Variants in ACKR2 observed in about 807,000 individuals in gnomAD.
The protein encoded by ACKR2 is atypical chemokine receptor 2.
For missense variants in ACKR2, 457 were observed against 477.3 expected (o/e 0.96, Z 0.40); for synonymous variants, 207 against 192.2 (o/e 1.08, Z -0.64).
In ACKR2 at chr3:42,854,855, CTT is replaced by C. The variant is rs1207262721; in HGVS notation, c.-37-9594_-37-9593del. Among the ~76,000 whole-genome samples, 957 of 133,790 alleles carry C rather than the reference CTT, an allele frequency of 7.2e-3. 4 individuals carry two copies. Among genetic ancestry groups the C allele is most frequent in the Admixed American group, 0.013 (177 of 13,148 alleles). The allele number at this position is 133,790 out of a possible 152,430, so 87.8% of individuals were successfully genotyped here. A position where few individuals can be genotyped will look rare whatever the true frequency, so the allele number is the denominator to read the frequency against. On this transcript the variant is annotated intron_variant, in intron 2 of 2. Coordinates refer to ENST00000422265, the MANE Select transcript of ACKR2 (RefSeq NM_001296.5). ...CCAGCAAAGACTGAATCATACCTTT[CTT>C]TTTTTTTTTTTTTTTTGAGATGGAG...
chr3:42,823,744 ATGAATTAATAAAATCTAT>A (rs1700833896), intron 2 of ACKR2, among the ~76,000 whole-genome samples: 1 of 152,250 alleles, frequency 6.6e-6, no homozygotes, highest in Non-Finnish European at 1.5e-5. Flanking sequence ...TTTTTGCGGA[ATGAATTAATAAAATCTAT>A]TGACTTTTGT....
chr3:42,842,734 A>G (rs1242259368), intron 2 of ACKR2, among the ~76,000 whole-genome samples: 2 of 152,046 alleles, frequency 1.3e-5, no homozygotes, highest in Non-Finnish European at 1.5e-5. Context: ...TGTAATCCCA[A>G]CACTTTTGGA....
In ACKR2 at chr3:42,863,554, T is replaced by G. The variant is rs1311676526; in HGVS notation, c.-37-912T>G. Among the ~76,000 whole-genome samples the G allele has an allele frequency of 2.0e-5, 3 of 152,220 alleles. No homozygotes were observed. In the South Asian group the frequency reaches 6.2e-4, roughly 32 times the overall value. ...TTAATCATTCTACTATAAAGACACA[T>G]GCACACATATGCTTATTGCAGCACT... On this transcript the variant is annotated intron_variant, in intron 2 of 2. Transcript: ENST00000422265.
chr3:42,865,425 C>T lies in ACKR2; in HGVS notation c.923C>T (p.Ser308Phe), dbSNP rs868771798. Reference protein sequence around the residue: ...ESIAFLHCCFSPILYAFSSHR... With the variant: ...ESIAFLHCCFFPILYAFSSHR... ...ATCGCCTTCCTTCACTGCTGCTTTT[C>T]CCCCATCCTGTATGCCTTCTCCAGT... is the stretch of plus-strand genomic sequence containing the variant. Residue 308 changes from serine to phenylalanine, a missense_variant, in exon 3 of 3, where the codon TCC becomes TTC. Transcript: ENST00000422265. 2 of 1,614,158 alleles carry T rather than the reference C, an allele frequency of 1.2e-6. No individual in the cohort carries two copies. The highest frequency in any genetic ancestry group is 1.1e-5 in the South Asian group (1 of 91,080).
chr3:42,835,025 G>T (rs1348188513), intron 2 of ACKR2, among the ~76,000 whole-genome samples: 2 of 151,994 alleles, frequency 1.3e-5, no homozygotes, highest in Non-Finnish European at 2.9e-5. Flanking sequence ...AGCTGGAACT[G>T]CAGGCACGCA....
rs1174265856 is a variant in ACKR2, at chr3:42,852,370, C to T, written c.-37-12096C>T. 2 of 152,212 alleles carry T rather than the reference C, an allele frequency of 1.3e-5. No individual in the cohort carries two copies. The highest frequency in any genetic ancestry group is 1.3e-4 in the Admixed American group (2 of 15,280). 9.4% of individuals were successfully genotyped at this position (152,212 alleles called of 1,614,324 possible). A position where few individuals can be genotyped will look rare whatever the true frequency, so the allele number is the denominator to read the frequency against. On this transcript the variant is annotated intron_variant, in intron 2 of 2. Coordinates refer to ENST00000422265, the MANE Select transcript of ACKR2 (RefSeq NM_001296.5). The surrounding 1 kb of genome is among the most constrained non-coding windows in gnomAD (Gnocchi z 4.3). ...AACATTCTGGGAAAGACATGAAAGTCTCACCTTCTGCAGCAGCAGCTCCTT... is the reference window on the plus strand; with the variant it reads ...AACATTCTGGGAAAGACATGAAAGTTTCACCTTCTGCAGCAGCAGCTCCTT...
At chr3:42,864,103 A>G (rs1239720812) in intron 2 of ACKR2, among the ~76,000 whole-genome samples, 1 of 152,246 alleles carries the variant, frequency 6.6e-6, no homozygotes, top group Non-Finnish European at 1.5e-5. Context: ...CACATTAAAT[A>G]GATGAATTGA....
chr3:42,845,564 G>A (rs1372227133), intron 2 of ACKR2, among the ~76,000 whole-genome samples: 1 of 152,050 alleles, frequency 6.6e-6, no homozygotes, highest in Admixed American at 6.5e-5. Flanking sequence ...GGGTTTCACT[G>A]TGTTAGCCAA....
chr3:42,863,543 A>C (rs1208182847), intron 2 of ACKR2, among the ~76,000 whole-genome samples: 1 of 152,254 alleles, frequency 6.6e-6, no homozygotes, highest in Admixed American at 6.5e-5. Context: ...TCATTCTACT[A>C]TAAAGACACA....
intron 2 of ACKR2, among the ~76,000 whole-genome samples, chr3:42,849,565 G>A (rs911837380): frequency 1.3e-5 from 2 of 152,160 alleles, no homozygotes; most frequent in Non-Finnish European, 2.9e-5. Flanking sequence ...AACAATTTGA[G>A]AATCAAACTA....
chr3:42,859,625 C>T (rs2088359752), intron 2 of ACKR2, among the ~76,000 whole-genome samples: 1 of 152,128 alleles, frequency 6.6e-6, no homozygotes. Flanking sequence ...TTGTGATCTG[C>T]TCACCTCGGC....
intron 2 of ACKR2, among the ~76,000 whole-genome samples, chr3:42,840,882 G>T (rs1459887875): frequency 6.6e-6 from 1 of 152,124 alleles, no homozygotes; most frequent in Non-Finnish European, 1.5e-5. Flanking sequence ...TAGAGACAGG[G>T]TTTCATCATG....
In ACKR2 at chr3:42,865,427, C is replaced by T. The variant is rs199910446; in HGVS notation, c.925C>T (p.Pro309Ser). 6.2e-7 allele frequency: 1 copy of T among 1,614,174 alleles called. No homozygotes were observed. Among genetic ancestry groups the T allele is most frequent in the Non-Finnish European group, 8.5e-7 (1 of 1,180,032 alleles). ...CGCCTTCCTTCACTGCTGCTTTTCCCCCATCCTGTATGCCTTCTCCAGTCA... is the reference window on the plus strand; with the variant it reads ...CGCCTTCCTTCACTGCTGCTTTTCCTCCATCCTGTATGCCTTCTCCAGTCA... Reference protein sequence around the residue: ...SIAFLHCCFSPILYAFSSHRF... With the variant: ...SIAFLHCCFSSILYAFSSHRF... Residue 309 changes from proline (P) to serine (S), a missense_variant, in exon 3 of 3, where the codon CCC becomes TCC. Pro to Ser is a moderately conservative substitution (Grantham distance 74). Coordinates refer to ENST00000422265, the MANE Select transcript of ACKR2 (RefSeq NM_001296.5).
rs1325345851 is a variant in ACKR2 at position 42,852,951 on chromosome 3, T to C, written c.-37-11515T>C. 6.6e-6 allele frequency among the ~76,000 whole-genome samples: 1 copy of C among 152,170 alleles called. No homozygotes were observed. Among genetic ancestry groups the C allele is most frequent in the African/African-American group, 2.4e-5 (1 of 41,450 alleles). Reference sequence around the variant, plus strand: ...TTCCTCTGGCCAGCTGTGCCTGGCTTACAGTGTGGCCCTGGATTTCCTGGG... The same window carrying C: ...TTCCTCTGGCCAGCTGTGCCTGGCTCACAGTGTGGCCCTGGATTTCCTGGG... On this transcript the variant is annotated intron_variant, in intron 2 of 2. Coordinates refer to ENST00000422265, the MANE Select transcript of ACKR2 (RefSeq NM_001296.5). The surrounding 1 kb of genome is among the most constrained non-coding windows in gnomAD (Gnocchi z 4.3).
intron 2 of ACKR2, among the ~76,000 whole-genome samples, chr3:42,836,314 G>A (rs1700987126): frequency 6.6e-6 from 1 of 152,160 alleles, no homozygotes. Context: ...GAACCCTAGA[G>A]CTGCAATTCC....
chr3:42,819,871 T>C (rs772232921), intron 2 of ACKR2, among the ~76,000 whole-genome samples, 160 bp downstream of exon 2: 2 of 152,250 alleles, frequency 1.3e-5, no homozygotes, highest in Non-Finnish European at 2.9e-5. Context: ...CTGCACTTCC[T>C]TGAATATTGA....
At chr3:42,854,632 C>A (rs1245867636) in intron 2 of ACKR2, among the ~76,000 whole-genome samples, 1 of 152,154 alleles carries the variant, frequency 6.6e-6, no homozygotes, top group Non-Finnish European at 1.5e-5. Context: ...GGATTATAAT[C>A]ACTTTGCTTC....
chr3:42,864,948 C>T lies in ACKR2; in HGVS notation c.446C>T (p.Ala149Val), dbSNP rs1239897362. Residue 149 changes from alanine to valine, a missense_variant, in exon 3 of 3, where the codon GCT (alanine) becomes GTT (valine). Coordinates refer to ENST00000422265, the MANE Select transcript of ACKR2 (RefSeq NM_001296.5). ...GACAAGTACCTGGAGATCGTTCATG[C>T]TCAGCCCTACCACAGGCTGAGGACC... is the stretch of plus-strand genomic sequence containing the variant. The part of the protein sequence containing the change: ...SLDKYLEIVH[A>V]QPYHRLRTRA... 1 of 1,614,186 alleles carries T rather than the reference C, an allele frequency of 6.2e-7. No homozygotes were observed. Among genetic ancestry groups the T allele is most frequent in the Non-Finnish European group, 8.5e-7 (1 of 1,180,032 alleles).
intron 2 of ACKR2, among the ~76,000 whole-genome samples, chr3:42,825,697 CT>C (rs1458797318): frequency 1.3e-5 from 2 of 151,648 alleles, no homozygotes; most frequent in African/African-American, 4.8e-5. Flanking sequence ...AGTGCAAATG[CT>C]TTTTATTTTT....
Sources: allele counts gnomAD v4.1 joint callset (sites outside exome capture counted in the v4.1 genomes callset), GRCh38; gene constraint gnomAD v4.1.1; non-coding constraint Gnocchi (gnomAD v3.1); transcripts MANE v1.5; gene names NCBI Gene and HGNC (gene_info 2026-07-23, HGNC 2026-07-21).